The following GABRB1 variants were observed in gnomAD, a reference collection of about 807,000 sequenced individuals.
GABRB1 encodes the protein gamma-aminobutyric acid type A receptor subunit beta1.
GABRB1 carries 17 observed loss-of-function variants against 51.6 expected under a neutral mutation model. The observed-to-expected ratio is 0.33, with a 90% CI of 0.23 to 0.49. GABRB1 has a LOEUF of 0.49. Ranked by LOEUF, GABRB1 falls within the 20% of genes least tolerant of loss-of-function variation. The pLI, the probability that GABRB1 is intolerant of heterozygous loss-of-function variation, is 0.99. For synonymous variants in GABRB1, 247 were observed against 218.9 expected (o/e 1.13, Z -1.14); for missense variants, 410 against 600.6 (o/e 0.68, Z 3.32).
intron 5 of GABRB1, among the ~76,000 whole-genome samples, chr4:47,368,614 G>A (rs907062445): frequency 3.9e-5 from 6 of 152,074 alleles, no homozygotes; most frequent in Non-Finnish European, 7.4e-5. Flanking sequence ...AGGGAGCCAG[G>A]CCCAAGCTCC....
intron 3 of GABRB1, among the ~76,000 whole-genome samples, chr4:47,079,255 G>C (rs1401316761): frequency 6.6e-6 from 1 of 151,864 alleles, no homozygotes; most frequent in African/African-American, 2.4e-5. Flanking sequence ...ACTTTTTTTG[G>C]TTGGTAAGCT....
chr4:47,265,014 A>G (rs1722594039), intron 4 of GABRB1, among the ~76,000 whole-genome samples: 1 of 152,220 alleles, frequency 6.6e-6, no homozygotes, highest in Admixed American at 6.5e-5. Flanking sequence ...CTACTTAGTC[A>G]GGTCATCTTT....
intron 5 of GABRB1, among the ~76,000 whole-genome samples, chr4:47,365,492 A>G (rs1726947239): frequency 6.6e-6 from 1 of 152,142 alleles, no homozygotes; most frequent in Non-Finnish European, 1.5e-5. Flanking sequence ...CCACCCAGCG[A>G]TTAGCAACAC....
chr4:47,329,820 A>G (rs567225905), intron 5 of GABRB1, among the ~76,000 whole-genome samples: 2 of 151,726 alleles, frequency 1.3e-5, no homozygotes, highest in Admixed American at 1.3e-4. Context: ...GGTAAAGTAC[A>G]GATAAGATAT....
chr4:47,031,545 C>T (rs80151988), upstream of GABRB1: 134 of 872,964 alleles, frequency 1.5e-4, no homozygotes, highest in East Asian at 3.1e-3. Context: ...GTAGTGAGCG[C>T]GCTCTGCGCA....
At chr4:47,207,401 TA>T (rs1241367409) in intron 4 of GABRB1, among the ~76,000 whole-genome samples, 1 of 151,994 alleles carries the variant, frequency 6.6e-6, no homozygotes, top group Non-Finnish European at 1.5e-5. Flanking sequence ...ACTTTTGTCA[TA>T]ATGTTCTGCA....
chr4:47,109,543 T>C (rs554685753), intron 3 of GABRB1, among the ~76,000 whole-genome samples: 2 of 152,172 alleles, frequency 1.3e-5, no homozygotes, highest in Middle Eastern at 3.4e-3. Context: ...AATGTCTCTA[T>C]ACAAATAGAG....
chr4:47,393,481 T>A (rs1041502575), intron 5 of GABRB1, among the ~76,000 whole-genome samples: 1 of 152,174 alleles, frequency 6.6e-6, no homozygotes, highest in African/African-American at 2.4e-5. Context: ...CTCCCTACAC[T>A]CAATCCTGGC....
chr4:47,354,303 C>G (rs916102616), intron 5 of GABRB1, among the ~76,000 whole-genome samples: 1 of 152,144 alleles, frequency 6.6e-6, no homozygotes, highest in Non-Finnish European at 1.5e-5. Context: ...ATTTACTGTT[C>G]ACGTTTTTAT....
At chr4:47,047,566 T>C (rs181188767) in intron 3 of GABRB1, among the ~76,000 whole-genome samples, 171 of 152,240 alleles carry the variant, frequency 1.1e-3, no homozygotes, top group Middle Eastern at 3.4e-3. Context: ...TCATAAAACA[T>C]CATTATTTCT....
At chr4:47,415,482 A>C (rs1728884105) in intron 8 of GABRB1, among the ~76,000 whole-genome samples, 1 of 152,172 alleles carries the variant, frequency 6.6e-6, no homozygotes, top group Non-Finnish European at 1.5e-5. Context: ...AAAAAGGCCT[A>C]GGATTGAGTC....
chr4:47,380,661 C>T (rs1727564338), intron 5 of GABRB1, among the ~76,000 whole-genome samples: 1 of 152,328 alleles, frequency 6.6e-6, no homozygotes, highest in Non-Finnish European at 1.5e-5. Flanking sequence ...TCAGCATCCT[C>T]TTAAAACCCT....
At chr4:47,104,700 T>G (rs901129956) in intron 3 of GABRB1, among the ~76,000 whole-genome samples, 2 of 152,036 alleles carry the variant, frequency 1.3e-5, no homozygotes, top group African/African-American at 4.8e-5. Flanking sequence ...TGTTTTTGGC[T>G]GTATCACATT....
At chr4:47,413,694 T>C (rs1246897885) in intron 8 of GABRB1, among the ~76,000 whole-genome samples, 2 of 152,214 alleles carry the variant, frequency 1.3e-5, no homozygotes, top group African/African-American at 4.8e-5. Context: ...GTGGCCTTGT[T>C]CAGTTGTTAC....
At chr4:47,398,935 G>T (rs905231613) in intron 5 of GABRB1, among the ~76,000 whole-genome samples, 2 of 151,506 alleles carry the variant, frequency 1.3e-5, no homozygotes, top group African/African-American at 4.9e-5. Flanking sequence ...GGACTATAGG[G>T]GCCCGCCACC....
intron 3 of GABRB1, among the ~76,000 whole-genome samples, chr4:47,090,609 A>G (rs1351087632): frequency 6.6e-6 from 1 of 152,186 alleles, no homozygotes; most frequent in Non-Finnish European, 1.5e-5. Flanking sequence ...AAAGCCAGGG[A>G]TCTTGGCTTA....
intron 4 of GABRB1, among the ~76,000 whole-genome samples, chr4:47,288,243 C>CTATTATTATTATTATTAT (rs34976412): frequency 6.7e-6 from 1 of 148,184 alleles, no homozygotes; most frequent in Non-Finnish European, 1.5e-5. Flanking sequence ...GGGCTTATTA[C>CTATTATTATTATTATTAT]TATTATTATT....
chr4:47,007,108 C>A (rs912463060), intron 1 of GABRB1, among the ~76,000 whole-genome samples: 30 of 150,570 alleles, frequency 2.0e-4, no homozygotes, highest in African/African-American at 7.3e-4. Context: ...CCACTGCACT[C>A]CAGTCTGAGT....
intron 3 of GABRB1, among the ~76,000 whole-genome samples, chr4:47,149,790 T>C (rs1169344269): frequency 1.3e-5 from 2 of 152,114 alleles, no homozygotes; most frequent in Middle Eastern, 3.4e-3. Flanking sequence ...CACAAAGACA[T>C]TTCTAGAGTT....
Sources: gnomAD v4.1 joint callset for allele counts (sites outside exome capture counted in the v4.1 genomes callset) on GRCh38, gnomAD v4.1.1 for gene constraint, MANE v1.5 for transcripts, NCBI Gene and HGNC (gene_info 2026-07-23, HGNC 2026-07-21) for gene names.